The following EPC2 variants were observed in gnomAD, a reference collection of about 807,000 sequenced individuals.
EPC2 encodes the protein enhancer of polycomb 2.
In EPC2, 14 loss-of-function variants were observed where a neutral mutation model predicts 92.1. The observed-to-expected ratio is 0.15, with a 90% CI of 0.10 to 0.24. The LOEUF (loss-of-function observed/expected upper bound fraction) is 0.24, where lower values mean the gene tolerates loss of function less well. EPC2 is among the 10% of genes least tolerant of loss of function. The pLI, the probability that EPC2 is intolerant of heterozygous loss-of-function variation, is 1.00. For synonymous variants in EPC2, 340 were observed against 334.7 expected (o/e 1.02, Z -0.17); for missense variants, 755 against 971.5 (o/e 0.78, Z 2.96).
chr2:148,690,835 G>T (rs949797575), intron 2 of EPC2, among the ~76,000 whole-genome samples: 5 of 152,072 alleles, frequency 3.3e-5, no homozygotes, highest in African/African-American at 1.2e-4. Flanking sequence ...GCTGATGTTT[G>T]TATTTTTAGT....
intron 11 of EPC2, among the ~76,000 whole-genome samples, 190 bp from the exon 12 acceptor site, chr2:148,783,407 T>C (rs576300586): frequency 4.6e-5 from 7 of 152,336 alleles, no homozygotes; most frequent in African/African-American, 1.4e-4. Context: ...CAGAAATAAC[T>C]TCTCAGTTTT....
At chr2:148,729,676 C>G (rs1486053153) in intron 2 of EPC2, among the ~76,000 whole-genome samples, 2 of 151,882 alleles carry the variant, frequency 1.3e-5, no homozygotes, top group African/African-American at 4.8e-5. Flanking sequence ...GAGAAAAAAC[C>G]TAAGAAAATG....
chr2:148,781,567 G>T, intron 10 of EPC2, 77 bp from the exon 11 acceptor site: 1 of 1,345,890 alleles, frequency 7.4e-7, no homozygotes, highest in East Asian at 2.5e-5. Context: ...TGTGGAATAA[G>T]TTTATATCAT....
At chr2:148,708,549 A>G (rs1446707040) in intron 2 of EPC2, among the ~76,000 whole-genome samples, 1 of 152,180 alleles carries the variant, frequency 6.6e-6, no homozygotes, top group African/African-American at 2.4e-5. Context: ...AAAAAAGGAG[A>G]ATTTTAGACC....
Position 148,743,685 on chromosome 2 carries a change from A to T in EPC2, c.377A>T (p.Asn126Ile). Residue 126 changes from asparagine (N) to isoleucine (I), a missense_variant, in exon 3 of 14, where the codon AAT (asparagine) becomes ATT (isoleucine). Coordinates refer to ENST00000258484, the MANE Select transcript of EPC2 (RefSeq NM_015630.4). The part of the protein sequence containing the change: ...DMDSEDETLL[N>I]RLNRKMEIKP... ...GATTCAGAAGATGAGACTTTATTAA[A>T]TAGACTTAACAGAAAGATGGAAATT... 1.9e-6 allele frequency: 3 copies of T among 1,605,076 alleles called. No individual in the cohort carries two copies. Among genetic ancestry groups the T allele is most frequent in the Non-Finnish European group, 2.6e-6 (3 of 1,176,160 alleles).
chr2:148,677,130 A>T (rs1001780618), intron 1 of EPC2, among the ~76,000 whole-genome samples: 1 of 152,190 alleles, frequency 6.6e-6, no homozygotes, highest in Non-Finnish European at 1.5e-5. Context: ...CATGTTTATT[A>T]TATGAAACAC....
At chr2:148,671,795 A>G (rs941650925) in intron 1 of EPC2, among the ~76,000 whole-genome samples, 12 of 151,094 alleles carry the variant, frequency 7.9e-5, no homozygotes, top group Non-Finnish European at 1.6e-4. Context: ...AGCTTATTCT[A>G]TTTTTTCCTC....
At chr2:148,770,050 A>G (rs1234309081) in intron 8 of EPC2, among the ~76,000 whole-genome samples, 1 of 152,004 alleles carries the variant, frequency 6.6e-6, no homozygotes, top group East Asian at 1.9e-4. Flanking sequence ...TTATTTACTT[A>G]TTTATTTCTT....
chr2:148,762,427 T>G (rs995378005), intron 5 of EPC2, among the ~76,000 whole-genome samples: 2 of 152,066 alleles, frequency 1.3e-5, no homozygotes, highest in African/African-American at 4.8e-5. Flanking sequence ...TCCTAGTGCT[T>G]GATTATATAA....
intron 1 of EPC2, among the ~76,000 whole-genome samples, chr2:148,678,727 C>T (rs1017311653): frequency 2.0e-5 from 3 of 152,262 alleles, no homozygotes; most frequent in Admixed American, 6.5e-5. Flanking sequence ...TCCAGCTGGC[C>T]CGCAAGCGCT....
At chr2:148,775,328 C>T (rs1290396253) in intron 10 of EPC2, among the ~76,000 whole-genome samples, 3 of 151,908 alleles carry the variant, frequency 2.0e-5, no homozygotes, top group African/African-American at 7.2e-5. Flanking sequence ...ATATTACATT[C>T]TTCATATAAA....
At chr2:148,696,924 A>G (rs1681758852) in intron 2 of EPC2, among the ~76,000 whole-genome samples, 1 of 152,224 alleles carries the variant, frequency 6.6e-6, no homozygotes, top group Non-Finnish European at 1.5e-5. Context: ...ATTTCTTGAA[A>G]ATTTTAAAGA....
chr2:148,755,761 C>T (rs77362634), intron 4 of EPC2, among the ~76,000 whole-genome samples: 3,117 of 152,138 alleles, frequency 0.02, 104 homozygotes, highest in African/African-American at 0.069. Context: ...TTTATTTGTT[C>T]GATTATTTCT....
At chr2:148,756,869 A>T (rs895635400) in intron 4 of EPC2, among the ~76,000 whole-genome samples, 2 of 152,202 alleles carry the variant, frequency 1.3e-5, no homozygotes, top group Non-Finnish European at 2.9e-5. Context: ...TGTACAGTTT[A>T]TTCTATAGTG....
intron 1 of EPC2, among the ~76,000 whole-genome samples, chr2:148,688,804 A>C (rs1333401739): frequency 6.6e-6 from 1 of 152,202 alleles, no homozygotes; most frequent in Non-Finnish European, 1.5e-5. Context: ...TGTACTAGGC[A>C]TTAGGGATAA....
rs1395477789 is a variant in EPC2 at position 148,770,858 on chromosome 2, T to A, written c.1297T>A (p.Tyr433Asn). ...SELADLDKLR[Y>N]RHCLTTLTVP... is the part of the protein sequence containing the mutation. ...ATTGGCAGATTTGGATAAGTTGAGG[T>A]ATAGGCATTGCCTTACAACACTTAC... is the stretch of plus-strand genomic sequence containing the variant. The change falls in exon 9 of 14, where the codon TAT becomes AAT. Residue 433 changes from tyrosine (Y) to asparagine (N), a missense_variant. Physicochemically the swap from Tyr to Asn is moderately radical, Grantham distance 143. Coordinates refer to ENST00000258484, the MANE Select transcript of EPC2 (RefSeq NM_015630.4). 6.2e-7 allele frequency: 1 copy of A among 1,613,762 alleles called. No homozygotes were observed. Among genetic ancestry groups the A allele is most frequent in the Non-Finnish European group, 8.5e-7 (1 of 1,179,852 alleles).
At chr2:148,724,763 G>A (rs1420577116) in intron 2 of EPC2, among the ~76,000 whole-genome samples, 1 of 152,058 alleles carries the variant, frequency 6.6e-6, no homozygotes, top group Non-Finnish European at 1.5e-5. Context: ...TTTAGTCATT[G>A]ATGATATTGA....
At chr2:148,730,039 TAGTC>T (rs768590936) in intron 2 of EPC2, among the ~76,000 whole-genome samples, 13 of 152,350 alleles carry the variant, frequency 8.5e-5, no homozygotes, top group East Asian at 7.7e-4. Flanking sequence ...AATTTTAAAT[TAGTC>T]AGTAGACTTG....
chr2:148,650,363 A>G (rs527306905), intron 1 of EPC2, among the ~76,000 whole-genome samples: 6 of 152,250 alleles, frequency 3.9e-5, no homozygotes, highest in East Asian at 1.9e-4. Flanking sequence ...CTTTGGTACT[A>G]TGTATATCTA....
Sources: gnomAD v4.1 joint callset for allele counts (sites outside exome capture counted in the v4.1 genomes callset) on GRCh38, gnomAD v4.1.1 for gene constraint, MANE v1.5 for transcripts, NCBI Gene and HGNC (gene_info 2026-07-23, HGNC 2026-07-21) for gene names.